The following SLC22A25 variants were observed in gnomAD, a reference collection of about 807,000 sequenced individuals.
SLC22A25 encodes the protein solute carrier family 22 member 25.
A neutral mutation model predicts 45.9 loss-of-function variants in SLC22A25; 44 were observed. The observed-to-expected ratio is 0.96, with a 90% confidence interval of 0.75 to 1.23. The LOEUF (loss-of-function observed/expected upper bound fraction) is 1.23. SLC22A25 is among the 50% of genes most tolerant of loss of function. The pLI, the probability that SLC22A25 is intolerant of heterozygous loss-of-function variation, is 0.00. For missense variants in SLC22A25, 800 were observed against 666.4 expected (o/e 1.20, Z -2.21); for synonymous variants, 283 against 238.6 (o/e 1.19, Z -1.72).
chr11:63,187,510 C>A (rs1230242518), intron 7 of SLC22A25, among the ~76,000 whole-genome samples: 1 of 152,144 alleles, frequency 6.6e-6, no homozygotes, highest in Non-Finnish European at 1.5e-5. Context: ...ATTTGACTTC[C>A]TCTTTTCCTA....
intron 7 of SLC22A25, among the ~76,000 whole-genome samples, chr11:63,215,228 T>C (rs1183585677): frequency 6.6e-6 from 1 of 152,150 alleles, no homozygotes; most frequent in Non-Finnish European, 1.5e-5. Context: ...GTGGCACATA[T>C]ACACCATAGA....
chr11:63,220,878 T>C (rs562833734), intron 5 of SLC22A25, among the ~76,000 whole-genome samples: 1 of 152,328 alleles, frequency 6.6e-6, no homozygotes, highest in East Asian at 1.9e-4. Context: ...CATGTGAAGT[T>C]TGTCTTTCTT....
chr11:63,233,560 A>G (rs1338653729), intron 3 of SLC22A25, among the ~76,000 whole-genome samples: 1 of 151,904 alleles, frequency 6.6e-6, no homozygotes, highest in Non-Finnish European at 1.5e-5. Context: ...CAGTCTATCA[A>G]TTTTGTTGAT....
At chr11:63,207,569 C>G (rs888585999) in intron 7 of SLC22A25, among the ~76,000 whole-genome samples, 1 of 152,092 alleles carries the variant, frequency 6.6e-6, no homozygotes. Context: ...AATGTGATAC[C>G]ATCTTGGAAC....
In SLC22A25 at chr11:63,205,283, C is replaced by G. The variant is rs2089366821; in HGVS notation, c.830+12031G>C. On this transcript the variant is annotated intron_variant, in intron 7 of 11. Transcript: ENST00000306494. ...AAGTAAGAGTAAACAAATTCAAAAGCTAGCAGAAGACAAGAAATAACTAAG... is the reference window on the plus strand; with the variant it reads ...AAGTAAGAGTAAACAAATTCAAAAGGTAGCAGAAGACAAGAAATAACTAAG... 2.0e-5 allele frequency among the ~76,000 whole-genome samples: 3 copies of G among 151,898 alleles called. No individual in the cohort carries two copies. In the South Asian group the frequency reaches 6.2e-4, roughly 32 times the overall value.
At chr11:63,200,008 T>C (rs2089188284) in intron 7 of SLC22A25, among the ~76,000 whole-genome samples, 1 of 151,990 alleles carries the variant, frequency 6.6e-6, no homozygotes, top group African/African-American at 2.4e-5. Context: ...AGTGAGTTTG[T>C]TTCTCACACA....
At chr11:63,240,020 G>A (rs182609557) in intron 1 of SLC22A25, among the ~76,000 whole-genome samples, 12 of 152,154 alleles carry the variant, frequency 7.9e-5, no homozygotes, top group African/African-American at 2.2e-4. Flanking sequence ...GTGTACTTAC[G>A]CAAACCTATA....
chr11:63,227,244 T>C (rs550297475), intron 5 of SLC22A25, among the ~76,000 whole-genome samples: 1 of 152,242 alleles, frequency 6.6e-6, no homozygotes, highest in African/African-American at 2.4e-5. Context: ...GATGTGAATA[T>C]GCTGGGCCAC....
chr11:63,175,849 A>G (rs1244283852), intron 9 of SLC22A25, among the ~76,000 whole-genome samples: 1 of 151,976 alleles, frequency 6.6e-6, no homozygotes, highest in Non-Finnish European at 1.5e-5. Context: ...ACACATTTTA[A>G]TAAAGTGAAA....
chr11:63,192,309 G>T (rs1053397166), intron 7 of SLC22A25, among the ~76,000 whole-genome samples: 10 of 152,110 alleles, frequency 6.6e-5, no homozygotes, highest in African/African-American at 2.4e-4. Flanking sequence ...ATTACCACCA[G>T]ACCTGTCTTA....
chr11:63,229,694 G>A lies in SLC22A25; in HGVS notation c.-42C>T. The A allele has an allele frequency of 1.3e-6, 2 of 1,566,106 alleles. No individual in the cohort carries two copies. The highest frequency in any genetic ancestry group is 1.7e-6 in the Non-Finnish European group (2 of 1,148,152). ...ATCCCCAAGAGGAGACAAAATGACT[G>A]TATCCAGATAAGTTCAAAGAGAAAA... is the stretch of plus-strand genomic sequence containing the variant. On this transcript the variant is annotated 5_prime_UTR_variant, in exon 4 of 12. Coordinates refer to ENST00000306494, the MANE Select transcript of SLC22A25 (RefSeq NM_199352.6).
chr11:63,216,595 C>G (rs2089716973), intron 7 of SLC22A25, among the ~76,000 whole-genome samples: 1 of 152,028 alleles, frequency 6.6e-6, no homozygotes, highest in South Asian at 2.1e-4. Flanking sequence ...GAGCTGAAGG[C>G]CATTATACTT....
rs762451680 is a variant in SLC22A25, at chr11:63,229,589, C to T, written c.64G>A (p.Val22Ile). 5 of 1,613,592 alleles carry T rather than the reference C, an allele frequency of 3.1e-6. No individual in the cohort carries two copies. In the South Asian group the frequency reaches 5.5e-5, roughly 18 times the overall value. Reference protein sequence around the residue: ...GLGRFQILQMVFLIMFNVIVY... With the variant: ...GLGRFQILQMIFLIMFNVIVY... ...ATGACGTTGAACATTATAAGGAAAA[C>T]CATCTGAAGGATCTGGAATCTCCCC... The change falls in exon 4 of 12, where the codon GTT becomes ATT. Residue 22 changes from valine (V) to isoleucine (I), a missense_variant. Val to Ile is a conservative substitution (Grantham distance 29, BLOSUM62 3). Transcript: ENST00000306494.
intron 5 of SLC22A25, chr11:63,219,881 C>T (rs1457809906): frequency 7.9e-7 from 1 of 1,271,400 alleles, no homozygotes; most frequent in African/African-American, 1.5e-5. Flanking sequence ...ACTCTCAACT[C>T]TTTTAAGTGT....
At chr11:63,170,254 A>G (rs111334883) in intron 9 of SLC22A25, among the ~76,000 whole-genome samples, 2,761 of 152,190 alleles carry the variant, frequency 0.018, 71 homozygotes, top group African/African-American at 0.051. Context: ...AATTAAAATA[A>G]CTAGAGAAGT....
intron 7 of SLC22A25, among the ~76,000 whole-genome samples, chr11:63,192,345 A>G (rs575658922): frequency 1.3e-5 from 2 of 152,348 alleles, no homozygotes; most frequent in South Asian, 4.1e-4. Context: ...GAAGCACTAA[A>G]TATGGAAAAG....
intron 3 of SLC22A25, among the ~76,000 whole-genome samples, chr11:63,235,583 G>A (rs1341621950): frequency 6.6e-6 from 1 of 152,076 alleles, no homozygotes; most frequent in Non-Finnish European, 1.5e-5. Context: ...TTTGCCATTG[G>A]TTTAAACTTC....
At chr11:63,219,539 T>C (rs118083029) in intron 5 of SLC22A25, among the ~76,000 whole-genome samples, 5,124 of 152,320 alleles carry the variant, frequency 0.034, 118 homozygotes, top group Non-Finnish European at 0.056. Context: ...CTGCATCTTA[T>C]TTATTCATTC....
intron 7 of SLC22A25, 67 bp downstream of exon 7, chr11:63,217,247 G>A: frequency 6.6e-7 from 1 of 1,524,222 alleles, no homozygotes; most frequent in Non-Finnish European, 8.9e-7. Context: ...TGGAATTCAT[G>A]TCCTCATTCC....
Sources: allele counts gnomAD v4.1 joint callset (sites outside exome capture counted in the v4.1 genomes callset), GRCh38; gene constraint gnomAD v4.1.1; transcripts MANE v1.5; gene names NCBI Gene and HGNC (gene_info 2026-07-23, HGNC 2026-07-21).